Variants in PDP1 observed in about 807,000 individuals in gnomAD.
The protein encoded by PDP1 is pyruvate dehydrogenase phosphatase catalytic subunit 1, also known as pyruvate dehyrogenase phosphatase catalytic subunit 1.
A neutral mutation model predicts 37.1 loss-of-function variants in PDP1; 14 were observed. The observed-to-expected ratio is 0.38, with a 90% CI of 0.25 to 0.59. PDP1 has a LOEUF of 0.59. PDP1 is among the 20% of genes least tolerant of loss of function. The pLI is 0.67. For missense variants in PDP1, 544 were observed against 655.3 expected (o/e 0.83, Z 1.85); for synonymous variants, 251 against 243.3 (o/e 1.03, Z -0.29).
chr8:93,916,953 G>A lies in PDP1; in HGVS notation c.-171G>A, dbSNP rs2130853800. On this transcript the variant is annotated 5_prime_UTR_variant, in exon 1 of 2. Coordinates refer to ENST00000297598, the MANE Select transcript of PDP1 (RefSeq NM_018444.4). ...CCCCGCACGGTAGGGGAGCAGAGTG[G>A]GCAGGCCGGGGGTGAGGGCTCGCGC... 4.5e-6 allele frequency: 2 copies of A among 442,788 alleles called. No individual in the cohort carries two copies. Among genetic ancestry groups the A allele is most frequent in the South Asian group, 1.6e-5 (1 of 61,708 alleles). The allele number at this position is 442,788 out of a possible 1,614,324, so 27.4% of individuals were successfully genotyped here.
At chr8:93,918,949 C>A (rs1810173466) in intron 1 of PDP1, 1 of 152,982 alleles carries the variant, frequency 6.5e-6, no homozygotes, top group Non-Finnish European at 1.5e-5. Context: ...TTCATAAATT[C>A]CAACTTCCCT....
At chr8:93,921,254 A>G (rs769669407) in intron 1 of PDP1, 1 of 979,718 alleles carries the variant, frequency 1.0e-6, no homozygotes, top group Non-Finnish European at 1.2e-6. Flanking sequence ...CAAAGATGTG[A>G]GCTGACTTTT....
At chr8:93,920,236 GT>G (rs1485281047) in intron 1 of PDP1, among the ~76,000 whole-genome samples, 1 of 152,146 alleles carries the variant, frequency 6.6e-6, no homozygotes, top group Non-Finnish European at 1.5e-5. Flanking sequence ...ATTATTCAGT[GT>G]TTAGTTTTCT....
At chr8:93,917,275 G>C (rs999875815) in intron 1 of PDP1, 196 bp downstream of exon 1, 2 of 150,090 alleles carry the variant, frequency 1.3e-5, no homozygotes, top group South Asian at 3.8e-4. Context: ...GGGCCGTCGG[G>C]GGGCTGGGGG....
chr8:93,920,259 T>C (rs575514488), intron 1 of PDP1, among the ~76,000 whole-genome samples: 2 of 152,322 alleles, frequency 1.3e-5, no homozygotes, highest in South Asian at 4.1e-4. Context: ...TGCTTCCCTC[T>C]ACCCCAATTT....
Position 93,917,193 on chromosome 8 carries a change from G to C in PDP1, c.-45+114G>C, listed in dbSNP as rs1364089572. ...GGATCGGCGGCCGCGGGCGTGCGGA[G>C]GGCTGGACGAGCCCTGGAGCGCCAG... On this transcript the variant is annotated intron_variant, in intron 1 of 1. Transcript: ENST00000297598. 2.5e-5 allele frequency: 9 copies of C among 355,634 alleles called. No homozygotes were observed. In the East Asian group the frequency reaches 1.1e-3, roughly 42 times the overall value. The allele number at this position is 355,634 out of a possible 1,614,324, so 22.0% of individuals were successfully genotyped here.
Position 93,922,879 on chromosome 8 carries a change from G to A in PDP1, c.820G>A (p.Ala274Thr), listed in dbSNP as rs866475428. ...TCGAGTGGCATTTTCTGGAGCCACTGCTTGTGTGGCCCATGTGGATGGTGT... is the reference window on the plus strand; with the variant it reads ...TCGAGTGGCATTTTCTGGAGCCACTACTTGTGTGGCCCATGTGGATGGTGT... ...VLRVAFSGAT[A>T]CVAHVDGVDL... The change falls in exon 2 of 2, where the codon GCT (alanine) becomes ACT (threonine). Residue 274 changes from alanine to threonine, a missense_variant. By Grantham distance (58) the Ala-to-Thr change is moderately conservative (BLOSUM62 0). Transcript: ENST00000297598. This position sits in a 1 kb window ranked among gnomAD's most constrained non-coding sequence, Gnocchi z 4.0. The A allele has an allele frequency of 6.2e-7, 1 of 1,614,210 alleles. No individual in the cohort carries two copies. Among genetic ancestry groups the A allele is most frequent in the Non-Finnish European group, 8.5e-7 (1 of 1,180,026 alleles).
intron 1 of PDP1, chr8:93,920,936 A>G: frequency 1.0e-6 from 1 of 982,876 alleles, no homozygotes; most frequent in Non-Finnish European, 1.2e-6. Flanking sequence ...CTTTGGATCC[A>G]TAGTAGATGA....
chr8:93,922,844 A>G lies in PDP1; in HGVS notation c.785A>G (p.Tyr262Cys). Residue 262 changes from tyrosine to cysteine, a missense_variant, in exon 2 of 2, where the codon TAC becomes TGC. Tyr to Cys is a radical substitution (Grantham distance 194, BLOSUM62 -2). This residue lies in a region of PDP1 where 342 missense variants were observed against 414.0 expected (regional missense o/e 0.83). Transcript: ENST00000297598. The surrounding 1 kb of genome is among the most constrained non-coding windows in gnomAD (Gnocchi z 4.0). ...GGTGATCCTAATTCTTTTCTCAACTACCTGGTGCTTCGAGTGGCATTTTCT... is the reference window on the plus strand; with the variant it reads ...GGTGATCCTAATTCTTTTCTCAACTGCCTGGTGCTTCGAGTGGCATTTTCT... ...QVGDPNSFLNYLVLRVAFSGA... is the reference protein window; with the variant it reads ...QVGDPNSFLNCLVLRVAFSGA... 1 of 1,614,100 alleles carries G rather than the reference A, an allele frequency of 6.2e-7. No individual in the cohort carries two copies. Among genetic ancestry groups the G allele is most frequent in the Non-Finnish European group, 8.5e-7 (1 of 1,180,028 alleles).
intron 1 of PDP1, 52 bp downstream of exon 1, chr8:93,917,131 C>T (rs975234161): frequency 8.8e-6 from 4 of 452,868 alleles, no homozygotes; most frequent in African/African-American, 6.4e-5. Context: ...GATCCTCCAC[C>T]CGTCCAAAGT....
intron 1 of PDP1, chr8:93,921,213 A>C (rs757389908): frequency 5.1e-5 from 50 of 974,080 alleles, no homozygotes; most frequent in Non-Finnish European, 1.7e-5. Context: ...TGCTCTGTTG[A>C]TGTTCCTTTA....
Position 93,922,725 on chromosome 8 carries a change from C to T in PDP1, c.666C>T (p.Leu222=), listed in dbSNP as rs1390854082. 6.2e-7 allele frequency: 1 copy of T among 1,614,124 alleles called. No individual in the cohort carries two copies. The highest frequency in any genetic ancestry group is 1.7e-5 in the Admixed American group (1 of 60,024). ...LRTYWQELID[L]NTGESTDIDV... ...CTTACTGGCAAGAGCTTATAGACCT[C>T]AACACTGGTGAGTCGACTGATATTG... Residue 222 remains leucine (L), a synonymous_variant, in exon 2 of 2, where the codon CTC becomes CTT. Transcript: ENST00000297598. The surrounding 1 kb of genome is among the most constrained non-coding windows in gnomAD (Gnocchi z 4.0).
intron 1 of PDP1, among the ~76,000 whole-genome samples, chr8:93,918,285 GATTA>G (rs1470740104): frequency 6.6e-6 from 1 of 152,184 alleles, no homozygotes; most frequent in Non-Finnish European, 1.5e-5. Flanking sequence ...AATGCAATCG[GATTA>G]CATAAACTGG....
rs781709189 is a variant in PDP1 at position 93,917,870 on chromosome 8, C to T, written c.-45+791C>T. ...GTGCTGCTGTCGCTGCTGCTGCCCG[C>T]GCGGGTTGTGGATGTTGTCGGCTCC... On this transcript the variant is annotated intron_variant, in intron 1 of 1. Coordinates refer to ENST00000297598, the MANE Select transcript of PDP1 (RefSeq NM_018444.4). 1.9e-6 allele frequency: 3 copies of T among 1,613,812 alleles called. No homozygotes were observed. The African/African-American group carries it at 4.0e-5, about 22-fold the overall frequency.
In PDP1 at chr8:93,923,141, G is replaced by T; in HGVS notation, c.1082G>T (p.Ser361Ile). The T allele has an allele frequency of 2.5e-6, 4 of 1,614,222 alleles. No individual in the cohort carries two copies. Among genetic ancestry groups the T allele is most frequent in the Non-Finnish European group, 3.4e-6 (4 of 1,180,034 alleles). The change falls in exon 2 of 2, where the codon AGC becomes ATC. Residue 361 changes from serine to isoleucine, a missense_variant. Ser to Ile is a moderately radical substitution (Grantham distance 142). Coordinates refer to ENST00000297598, the MANE Select transcript of PDP1 (RefSeq NM_018444.4). This position sits in a 1 kb window ranked among gnomAD's most constrained non-coding sequence, Gnocchi z 4.3. ...RAFGDVKFKWSIDLQKRVIES... is the reference protein window; with the variant it reads ...RAFGDVKFKWIIDLQKRVIES... Reference sequence around the variant, plus strand: ...TTTGGAGATGTAAAGTTCAAATGGAGCATTGACCTTCAAAAGAGAGTGATA... The same window carrying T: ...TTTGGAGATGTAAAGTTCAAATGGATCATTGACCTTCAAAAGAGAGTGATA...
In PDP1 at chr8:93,922,148, A is replaced by G. The variant is rs1160705799; in HGVS notation, c.89A>G (p.Lys30Arg). 2.5e-6 allele frequency: 4 copies of G among 1,614,170 alleles called. No homozygotes were observed. The highest frequency in any genetic ancestry group is 2.5e-6 in the Non-Finnish European group (3 of 1,180,010). Residue 30 changes from lysine to arginine, a missense_variant, in exon 2 of 2, where the codon AAA (lysine) becomes AGA (arginine). By Grantham distance (26) the Lys-to-Arg change is conservative. Around this residue, in one of 5 missense-constraint regions of PDP1, gnomAD observed 342 missense variants for 414.0 expected, o/e 0.83. Transcript: ENST00000297598. This position sits in a 1 kb window ranked among gnomAD's most constrained non-coding sequence, Gnocchi z 4.0. ...GGCACTGCATGTTACTGCCACCACA[A>G]ACATCTCTGTTGTTCCTCATCGTAC... Reference protein sequence around the residue: ...IYGTACYCHHKHLCCSSSYIP... With the variant: ...IYGTACYCHHRHLCCSSSYIP...
intron 1 of PDP1, chr8:93,921,500 T>G (rs943137808): frequency 3.6e-6 from 1 of 277,838 alleles, no homozygotes; most frequent in Non-Finnish European, 5.5e-6. Flanking sequence ...TATGTTTGGC[T>G]GCCTCTTAAC....
At chr8:93,917,750 C>G in intron 1 of PDP1, 1 of 1,451,100 alleles carries the variant, frequency 6.9e-7, no homozygotes, top group Non-Finnish European at 9.4e-7. Context: ...CCAGCCCATT[C>G]ACCGGGCTGG....
rs991403451 is a variant in PDP1 at position 93,924,404 on chromosome 8, A to C, written c.*731A>C. On this transcript the variant is annotated 3_prime_UTR_variant, in exon 2 of 2. Coordinates refer to ENST00000297598, the MANE Select transcript of PDP1 (RefSeq NM_018444.4). ...AAGAAAAAAAGATTTTTTTATTTGTATTAATGAAAAGCTTTAGTTTAAAAT... is the reference window on the plus strand; with the variant it reads ...AAGAAAAAAAGATTTTTTTATTTGTCTTAATGAAAAGCTTTAGTTTAAAAT... 3 of 167,034 alleles carry C rather than the reference A, an allele frequency of 1.8e-5. No homozygotes were observed. Among genetic ancestry groups the C allele is most frequent in the Non-Finnish European group, 4.4e-5 (3 of 68,120 alleles). 10.3% of individuals were successfully genotyped at this position (167,034 alleles called of 1,614,324 possible).
Sources: allele counts gnomAD v4.1 joint callset (sites outside exome capture counted in the v4.1 genomes callset), GRCh38; gene constraint gnomAD v4.1.1; regional missense constraint gnomAD v4.1.1; non-coding constraint Gnocchi (gnomAD v3.1); transcripts MANE v1.5; gene names NCBI Gene and HGNC (gene_info 2026-07-23, HGNC 2026-07-21).